STAU2: variants seen among roughly 807,000 people sequenced by gnomAD.
STAU2 encodes double-stranded RNA-binding protein Staufen homolog 2.
STAU2 carries 20 observed loss-of-function variants against 65.9 expected under a neutral mutation model. That is an observed-to-expected ratio of 0.30 (90% confidence interval 0.21 to 0.44). The LOEUF is 0.44. Among genes scored for constraint, STAU2 ranks in the 20% least tolerant of loss-of-function variants. The probability of loss-of-function intolerance (pLI) is 1.00; values close to 1 mark genes in which losing one functional copy is unlikely to be tolerated. For synonymous variants in STAU2, 232 were observed against 233.9 expected (o/e 0.99, Z 0.07); for missense variants, 558 against 683.9 (o/e 0.82, Z 2.05).
intron 13 of STAU2, among the ~76,000 whole-genome samples, chr8:73,454,352 A>G (rs1818953644): frequency 6.6e-6 from 1 of 152,214 alleles, no homozygotes. Context: ...GGATTATCTT[A>G]TTGCTGATTT....
intron 3 of STAU2, among the ~76,000 whole-genome samples, chr8:73,728,428 C>T (rs1805803390): frequency 6.8e-6 from 1 of 147,570 alleles, no homozygotes; most frequent in South Asian, 2.1e-4. Flanking sequence ...TGTTGCAATT[C>T]CATATGAATA....
intron 13 of STAU2, among the ~76,000 whole-genome samples, chr8:73,485,744 G>A (rs1466472946): frequency 6.6e-6 from 1 of 152,084 alleles, no homozygotes; most frequent in African/African-American, 2.4e-5. Context: ...TGAGGCAGGA[G>A]GACTACTTGA....
At chr8:73,619,639 T>C (rs769752873) in intron 6 of STAU2, among the ~76,000 whole-genome samples, 15 of 152,130 alleles carry the variant, frequency 9.9e-5, no homozygotes, top group Non-Finnish European at 2.2e-4. Context: ...GAGGCAATAA[T>C]TGAAACCATG....
At chr8:73,595,846 G>A (rs536406750) in intron 10 of STAU2, among the ~76,000 whole-genome samples, 2 of 152,304 alleles carry the variant, frequency 1.3e-5, no homozygotes, top group African/African-American at 4.8e-5. Context: ...GCCAGGCGCA[G>A]TGGCTCACAG....
chr8:73,582,742 T>A (rs145725960), intron 12 of STAU2, 28 bp downstream of exon 12: 44 of 1,610,414 alleles, frequency 2.7e-5, no homozygotes, highest in Non-Finnish European at 3.7e-5. Flanking sequence ...GAACACCAAG[T>A]GCAGACAACA....
At chr8:73,565,488 A>G (rs1042517438) in intron 12 of STAU2, among the ~76,000 whole-genome samples, 27 of 152,184 alleles carry the variant, frequency 1.8e-4, no homozygotes, top group African/African-American at 5.8e-4. Flanking sequence ...CCCTGCAAAA[A>G]CAGACTAATA....
chr8:73,473,011 G>C (rs1235176112), intron 13 of STAU2, among the ~76,000 whole-genome samples: 1 of 152,122 alleles, frequency 6.6e-6, no homozygotes, highest in Non-Finnish European at 1.5e-5. Flanking sequence ...TCTTTTCCCA[G>C]TTTTAAGTTA....
At chr8:73,617,803 A>G (rs888759018) in intron 6 of STAU2, among the ~76,000 whole-genome samples, 5 of 152,222 alleles carry the variant, frequency 3.3e-5, no homozygotes, top group African/African-American at 9.6e-5. Flanking sequence ...GTCAGGCAAG[A>G]CTGTTCAGGC....
At chr8:73,484,299 A>G (rs1344887576) in intron 13 of STAU2, among the ~76,000 whole-genome samples, 1 of 152,296 alleles carries the variant, frequency 6.6e-6, no homozygotes, top group East Asian at 1.9e-4. Flanking sequence ...GAATTGCTAC[A>G]GAGGATTGGA....
chr8:73,506,149 C>T (rs181273802), intron 13 of STAU2, among the ~76,000 whole-genome samples: 2 of 152,268 alleles, frequency 1.3e-5, no homozygotes, highest in East Asian at 1.9e-4. Context: ...TAGCAATACA[C>T]GAATGGGCTA....
intron 13 of STAU2, among the ~76,000 whole-genome samples, chr8:73,490,856 C>G (rs917536341): frequency 6.8e-6 from 1 of 147,812 alleles, no homozygotes; most frequent in South Asian, 2.2e-4. Flanking sequence ...GAGATTTAAA[C>G]GTACCTTAAA....
chr8:73,601,416 A>T (rs1347212978), intron 10 of STAU2, among the ~76,000 whole-genome samples: 2 of 152,136 alleles, frequency 1.3e-5, no homozygotes, highest in Non-Finnish European at 2.9e-5. Context: ...TACCCAAATA[A>T]TGTCATCGGA....
intron 6 of STAU2, 55 bp from the exon 7 acceptor site, chr8:73,617,506 C>T (rs1304039256): frequency 1.3e-6 from 2 of 1,510,694 alleles, no homozygotes; most frequent in East Asian, 2.3e-5. Context: ...ACTCTATAAT[C>T]ATTCATAAGA....
chr8:73,683,956 T>C (rs904587145), intron 5 of STAU2, among the ~76,000 whole-genome samples: 12 of 152,068 alleles, frequency 7.9e-5, no homozygotes, highest in African/African-American at 1.9e-4. Flanking sequence ...AAAGAAATCA[T>C]AGAGGATACA....
chr8:73,437,280 T>C (rs993986962), intron 13 of STAU2, among the ~76,000 whole-genome samples: 2 of 152,176 alleles, frequency 1.3e-5, no homozygotes, highest in Non-Finnish European at 2.9e-5. Flanking sequence ...GCCAGGATTA[T>C]ACAGGTGGGC....
At chr8:73,560,847 G>A (rs1808174564) in intron 12 of STAU2, among the ~76,000 whole-genome samples, 1 of 152,146 alleles carries the variant, frequency 6.6e-6, no homozygotes, top group Non-Finnish European at 1.5e-5. Flanking sequence ...AAATGCCTTT[G>A]GAAAGCTTGT....
At chr8:73,620,873 T>C (rs1191145644) in intron 6 of STAU2, among the ~76,000 whole-genome samples, 3 of 152,180 alleles carry the variant, frequency 2.0e-5, no homozygotes, top group Non-Finnish European at 2.9e-5. Flanking sequence ...CATACCATCA[T>C]GACAATCAAG....
intron 13 of STAU2, among the ~76,000 whole-genome samples, chr8:73,436,920 C>A (rs1236993487): frequency 6.6e-6 from 1 of 152,114 alleles, no homozygotes. Context: ...TGTCTCACTC[C>A]ATGTTTTTCC....
chr8:73,666,926 T>C (rs1817282036), intron 6 of STAU2, among the ~76,000 whole-genome samples: 2 of 152,194 alleles, frequency 1.3e-5, no homozygotes, highest in Admixed American at 1.3e-4. Flanking sequence ...AAGTCAAAGA[T>C]AATCTTTGCT....
Sources: gnomAD v4.1 joint callset for allele counts (sites outside exome capture counted in the v4.1 genomes callset) on GRCh38, gnomAD v4.1.1 for gene constraint, MANE v1.5 for transcripts, NCBI Gene and HGNC (gene_info 2026-07-23, HGNC 2026-07-21) for gene names.